SPNS3: variants seen among roughly 807,000 people sequenced by gnomAD.
The protein encoded by SPNS3 is SPNS lysolipid transporter 3, sphingosine-1-phosphate (putative).
Under a neutral mutation model 54.4 loss-of-function variants are expected in SPNS3, and 51 were observed. The ratio of observed to expected loss-of-function variants is 0.94; its 90% CI spans 0.75 to 1.18. The LOEUF (loss-of-function observed/expected upper bound fraction) is 1.18. Ranked by LOEUF, SPNS3 falls within the 50% of genes most tolerant of loss-of-function variation. The probability of loss-of-function intolerance (pLI) is 0.00; values close to 1 mark genes in which losing one functional copy is unlikely to be tolerated. For missense variants in SPNS3, 669 were observed against 677.4 expected (o/e 0.99, Z 0.14); for synonymous variants, 309 against 294.7 (o/e 1.05, Z -0.50).
chr17:4,441,437 C>T (rs182961936), intron 2 of SPNS3, among the ~76,000 whole-genome samples: 17 of 152,262 alleles, frequency 1.1e-4, no homozygotes, highest in Admixed American at 1.0e-3. Context: ...TGCATGGTTT[C>T]CAATTGCCCC....
At chr17:4,435,986 T>TTC (rs1466262188) in intron 1 of SPNS3, among the ~76,000 whole-genome samples, 1 of 151,722 alleles carries the variant, frequency 6.6e-6, no homozygotes, top group Non-Finnish European at 1.5e-5. Flanking sequence ...TGCTCTTCTC[T>TTC]TCTTGTCATT....
intron 8 of SPNS3, among the ~76,000 whole-genome samples, chr17:4,475,389 CTGG>C (rs1971963259): frequency 6.6e-6 from 1 of 152,210 alleles, no homozygotes; most frequent in African/African-American, 2.4e-5. Context: ...CCGGGGAGGC[CTGG>C]AGTGCACTGG....
rs376461884 is a variant in SPNS3 at position 4,486,447 on chromosome 17, C to T, written c.1314C>T (p.Ser438=). 11 of 1,611,828 alleles carry T rather than the reference C, an allele frequency of 6.8e-6. No individual in the cohort carries two copies. The highest frequency in any genetic ancestry group is 9.3e-6 in the Non-Finnish European group (11 of 1,178,922). ...TCCTGCGGGCCAGGCGCCCTGACTC[C>T]TATCTGCAGCGCTTCCGCAGCCTGC... ...SSVLRARRPD[S]YLQRFRSLQQ... is the part of the protein sequence containing the mutation. The change falls in exon 11 of 12, where the codon TCC becomes TCT. Residue 438 remains serine (S), a synonymous_variant. Coordinates refer to ENST00000355530, the MANE Select transcript of SPNS3 (RefSeq NM_182538.5). This position sits in a 1 kb window ranked among gnomAD's most constrained non-coding sequence, Gnocchi z 5.5.
intron 8 of SPNS3, among the ~76,000 whole-genome samples, chr17:4,455,221 A>T (rs937510423): frequency 6.6e-6 from 1 of 152,118 alleles, no homozygotes; most frequent in African/African-American, 2.4e-5. Context: ...GCCCCAAACA[A>T]AGCTTCTATC....
At chr17:4,445,454 C>T (rs993668385) in intron 3 of SPNS3, among the ~76,000 whole-genome samples, 1 of 151,628 alleles carries the variant, frequency 6.6e-6, no homozygotes, top group Non-Finnish European at 1.5e-5. Context: ...CGACTCACTG[C>T]AAACTCTGCC....
At chr17:4,487,773 C>T (rs1972361281) in intron 11 of SPNS3, 33 bp from the exon 12 acceptor site, 2 of 1,607,632 alleles carry the variant, frequency 1.2e-6, no homozygotes, top group African/African-American at 1.3e-5. Context: ...CTTCTGCAAC[C>T]TTCGGGCAGG....
In SPNS3 at chr17:4,474,586, T is replaced by TTCCTCCTGCTTCC. The variant is rs1313885285; in HGVS notation, c.1114-3975_1114-3963dup. On this transcript the variant is annotated intron_variant, in intron 8 of 11. Coordinates refer to ENST00000355530, the MANE Select transcript of SPNS3 (RefSeq NM_182538.5). Reference sequence around the variant, plus strand: ...CCGCCACCCCACAGGGGCTGACCCTTTCCTCCTGCTTCCTCCTCCTGCTGA... The same window carrying TTCCTCCTGCTTCC: ...CCGCCACCCCACAGGGGCTGACCCTTTCCTCCTGCTTCCTCCTCCTGCTTCCTCCTCCTGCTGA... Among the ~76,000 whole-genome samples the TTCCTCCTGCTTCC allele has an allele frequency of 2.0e-5, 3 of 152,174 alleles. No individual in the cohort carries two copies. In the East Asian group the frequency reaches 5.8e-4, roughly 29 times the overall value.
At chr17:4,463,022 C>T (rs778473502) in intron 8 of SPNS3, among the ~76,000 whole-genome samples, 9 of 151,886 alleles carry the variant, frequency 5.9e-5, no homozygotes, top group Non-Finnish European at 1.2e-4. Flanking sequence ...AGACAGGCTC[C>T]AAACTCTTCT....
At position 4,467,459 on chromosome 17, in the gene SPNS3, C is replaced by T. The variant is rs148398370; in HGVS notation, c.1114-11113C>T. Among the ~76,000 whole-genome samples, 104 of 152,202 alleles carry T rather than the reference C, an allele frequency of 6.8e-4. 1 individual carries two copies. Among genetic ancestry groups the T allele is most frequent in the African/African-American group, 1.9e-3 (80 of 41,512 alleles). ...GATGATTACTGCACTGGAATGTCCA[C>T]GCTGACCTTACTCACCTCCGGCTGT... On this transcript the variant is annotated intron_variant, in intron 8 of 11. Transcript: ENST00000355530.
chr17:4,482,033 C>T (rs970472293), intron 9 of SPNS3: 5 of 152,308 alleles, frequency 3.3e-5, no homozygotes, highest in African/African-American at 9.7e-5. Context: ...GGACTACAGG[C>T]ATGCGCCACC....
rs553203604 is a variant in SPNS3 at position 4,483,415 on chromosome 17, G to C, written c.1180-2813G>C. ...CAGCCTTGGCTGCTGGCTGCACGGA[G>C]ACAATGAGGACTTGGAACAGGCTGG... On this transcript the variant is annotated intron_variant, in intron 9 of 11. Transcript: ENST00000355530. The surrounding 1 kb of genome is among the most constrained non-coding windows in gnomAD (Gnocchi z 4.2). 6.6e-6 allele frequency: 1 copy of C among 152,252 alleles called. No homozygotes were observed. Among genetic ancestry groups the C allele is most frequent in the African/African-American group, 2.4e-5 (1 of 41,444 alleles). 9.4% of individuals were successfully genotyped at this position (152,252 alleles called of 1,614,324 possible).
Position 4,449,338 on chromosome 17 carries a change from C to A in SPNS3, c.874C>A (p.His292Asn). ...PKFLLEARVV[H>N]GLQPPCFQEP... ...GTTTCTGCTCGAGGCACGCGTGGTT[C>A]ACGGGCTGCAGCCTCCCTGCTTCCA... The change falls in exon 7 of 12, where the codon CAC becomes AAC. Residue 292 changes from histidine (H) to asparagine (N), a missense_variant. By Grantham distance (68) the His-to-Asn change is moderately conservative. Transcript: ENST00000355530. 1 of 1,610,550 alleles carries A rather than the reference C, an allele frequency of 6.2e-7. No individual in the cohort carries two copies. The highest frequency in any genetic ancestry group is 8.5e-7 in the Non-Finnish European group (1 of 1,179,672).
At position 4,477,970 on chromosome 17, in the gene SPNS3, C is replaced by CTTTTTTTTTTTTTTTTTT. The variant is rs397837193; in HGVS notation, c.1114-600_1114-583dup. 3.8e-4 allele frequency among the ~76,000 whole-genome samples: 37 copies of CTTTTTTTTTTTTTTTTTT among 97,620 alleles called. 4 individuals carry two copies. Among genetic ancestry groups the CTTTTTTTTTTTTTTTTTT allele is most frequent in the African/African-American group, 7.8e-4 (17 of 21,904 alleles). The allele number at this position is 97,620 out of a possible 152,430, so 64.0% of individuals were successfully genotyped here. On this transcript the variant is annotated intron_variant, in intron 8 of 11. Transcript: ENST00000355530. ...AAAGTCTGTTTTTTTTTCACTTTTC[C>CTTTTTTTTTTTTTTTTTT]TTTTTTTTTTTTTTTTTTTGAGGCG... is the stretch of plus-strand genomic sequence containing the variant.
chr17:4,447,566 G>T (rs539110947), intron 5 of SPNS3, among the ~76,000 whole-genome samples: 1 of 152,358 alleles, frequency 6.6e-6, no homozygotes, highest in South Asian at 2.1e-4. Flanking sequence ...CCAGTGCCGG[G>T]GAGCTGGCGT....
intron 8 of SPNS3, among the ~76,000 whole-genome samples, chr17:4,461,453 C>A (rs1437364259): frequency 6.8e-6 from 1 of 146,440 alleles, no homozygotes; most frequent in Non-Finnish European, 1.5e-5. Flanking sequence ...CCTGCCTCAG[C>A]CTCCCCAGGC....
In SPNS3 at chr17:4,446,166, T is replaced by C. The variant is rs1970982775; in HGVS notation, c.521T>C (p.Leu174Pro). Residue 174 changes from leucine to proline, a missense_variant, in exon 4 of 12, where the codon CTG becomes CCG. By Grantham distance (98) the Leu-to-Pro change is moderately conservative. Coordinates refer to ENST00000355530, the MANE Select transcript of SPNS3 (RefSeq NM_182538.5). Reference protein sequence around the residue: ...LFVRDQRTRVLAVFYIFIPVG... With the variant: ...LFVRDQRTRVPAVFYIFIPVG... The stretch of plus-strand genomic sequence containing the variant: ...GTGAGGGACCAGCGCACCCGCGTGC[T>C]GGCTGTCTTCTACATCTTTATCCCC... 3 of 1,612,990 alleles carry C rather than the reference T, an allele frequency of 1.9e-6. No homozygotes were observed. Among genetic ancestry groups the C allele is most frequent in the South Asian group, 2.2e-5 (2 of 91,008 alleles).
chr17:4,459,996 T>C (rs1053191873), intron 8 of SPNS3, among the ~76,000 whole-genome samples: 3 of 152,092 alleles, frequency 2.0e-5, no homozygotes, highest in African/African-American at 4.8e-5. Context: ...GAGAAGGTAG[T>C]TGTTGAATAA....
chr17:4,447,075 G>GC, intron 5 of SPNS3, 113 bp downstream of exon 5: 1 of 982,012 alleles, frequency 1.0e-6, no homozygotes. Context: ...TAGGGGGACG[G>GC]GGGGTGGTGG....
chr17:4,447,453 A>G (rs1971029750), intron 5 of SPNS3, among the ~76,000 whole-genome samples: 1 of 152,218 alleles, frequency 6.6e-6, no homozygotes, highest in Admixed American at 6.5e-5. Context: ...GAGAGGGACC[A>G]TTCTGAAGAG....
Sources: allele counts gnomAD v4.1 joint callset (sites outside exome capture counted in the v4.1 genomes callset), GRCh38; gene constraint gnomAD v4.1.1; non-coding constraint Gnocchi (gnomAD v3.1); transcripts MANE v1.5; gene names NCBI Gene and HGNC (gene_info 2026-07-23, HGNC 2026-07-21).